Variants in L3MBTL4 observed in about 807,000 individuals in gnomAD.
The protein encoded by L3MBTL4 is lethal(3)malignant brain tumor-like protein 4.
L3MBTL4 carries 70 observed loss-of-function variants against 84.5 expected under a neutral mutation model. The observed-to-expected ratio is 0.83, with a 90% CI of 0.68 to 1.01. The LOEUF is 1.01. Among genes scored for constraint, L3MBTL4 ranks in the 50% least tolerant of loss-of-function variants. The pLI is 0.00. For synonymous variants in L3MBTL4, 274 were observed against 259.8 expected (o/e 1.05, Z -0.52); for missense variants, 715 against 754.8 (o/e 0.95, Z 0.62).
At chr18:6,164,430 C>T (rs543601524) in intron 13 of L3MBTL4, among the ~76,000 whole-genome samples, 6 of 152,234 alleles carry the variant, frequency 3.9e-5, no homozygotes, top group African/African-American at 1.2e-4. Flanking sequence ...AGGCACCCCC[C>T]GCTAGGGGCA....
At chr18:6,369,636 G>T (rs1031606367) in intron 1 of L3MBTL4, among the ~76,000 whole-genome samples, 3 of 152,176 alleles carry the variant, frequency 2.0e-5, no homozygotes, top group Non-Finnish European at 4.4e-5. Flanking sequence ...AGGCTTCATG[G>T]AGGGCTGTGA....
intron 16 of L3MBTL4, among the ~76,000 whole-genome samples, chr18:6,052,142 AAT>A (rs1272093914): frequency 6.6e-6 from 1 of 152,212 alleles, no homozygotes; most frequent in African/African-American, 2.4e-5. Flanking sequence ...AACTTAGAGA[AAT>A]ATTTAGTAAT....
chr18:6,311,415 C>T (rs1312818759), intron 3 of L3MBTL4, 139 bp downstream of exon 3: 4 of 671,206 alleles, frequency 6.0e-6, no homozygotes, highest in Non-Finnish European at 8.1e-6. Flanking sequence ...TACCCCTACA[C>T]ATAAAGCTCA....
At chr18:6,285,129 AG>A (rs2049511309) in intron 4 of L3MBTL4, among the ~76,000 whole-genome samples, 1 of 152,220 alleles carries the variant, frequency 6.6e-6, no homozygotes, top group Admixed American at 6.5e-5. Context: ...GCGTCCGCAG[AG>A]GGGTGGCCTC....
chr18:6,341,715 AG>A (rs1169469191), intron 1 of L3MBTL4, among the ~76,000 whole-genome samples: 2 of 152,130 alleles, frequency 1.3e-5, no homozygotes, highest in African/African-American at 4.8e-5. Context: ...ACAAAGAGAA[AG>A]CAAAGTTATT....
chr18:6,128,862 C>T (rs779003815), intron 14 of L3MBTL4, among the ~76,000 whole-genome samples: 23 of 151,970 alleles, frequency 1.5e-4, no homozygotes, highest in Admixed American at 7.2e-4. Flanking sequence ...GCAGTTCAGA[C>T]GGAGGAAGGG....
At chr18:6,238,070 C>G in intron 9 of L3MBTL4, 30 bp from the exon 10 acceptor site, 1 of 1,581,030 alleles carries the variant, frequency 6.3e-7, no homozygotes, top group Non-Finnish European at 8.7e-7. Context: ...TATTACGTTC[C>G]GTTTTACTTC....
At chr18:6,371,967 T>C (rs2054175977) in intron 1 of L3MBTL4, among the ~76,000 whole-genome samples, 1 of 152,208 alleles carries the variant, frequency 6.6e-6, no homozygotes, top group South Asian at 2.1e-4. Context: ...AAGATACATG[T>C]CACAACTCAG....
At chr18:6,099,585 A>AATATATATGTATATATATATATATAT (rs2058744521) in intron 14 of L3MBTL4, among the ~76,000 whole-genome samples, 1 of 64,700 alleles carries the variant, frequency 1.5e-5, no homozygotes, top group African/African-American at 3.5e-5. Context: ...AGATAATGTA[A>AATATATATGTATATATATATATATAT]ATATATATAT....
At chr18:6,023,174 A>C (rs1434422592) in intron 16 of L3MBTL4, among the ~76,000 whole-genome samples, 2 of 152,186 alleles carry the variant, frequency 1.3e-5, no homozygotes, top group Non-Finnish European at 2.9e-5. Context: ...AAGAGTTTAA[A>C]AGAAATCATT....
intron 16 of L3MBTL4, among the ~76,000 whole-genome samples, chr18:6,079,785 C>T (rs2058006606): frequency 6.6e-6 from 1 of 152,018 alleles, no homozygotes; most frequent in Admixed American, 6.5e-5. Context: ...TGGATGAGAA[C>T]ATTTGTATGG....
At chr18:6,096,632 G>A (rs1423971969) in intron 14 of L3MBTL4, among the ~76,000 whole-genome samples, 3 of 152,148 alleles carry the variant, frequency 2.0e-5, no homozygotes, top group Non-Finnish European at 2.9e-5. Context: ...GTGTTTAAGA[G>A]ATGCATGATT....
chr18:6,138,214 T>G lies in L3MBTL4; in HGVS notation c.1179A>C (p.Pro393=). Residue 393 remains proline (P), a synonymous_variant, in exon 14 of 19, where the codon CCA becomes CCC. Coordinates refer to ENST00000317931, the MANE Select transcript of L3MBTL4 (RefSeq NM_001330559.2). ...GCRGIGHIRG[P]RYSGHHSAFG... ...GTTACCTGTGATGTCCCGAATAACG[T>G]GGACCACGGATATGGCCTATTCCTC... is the stretch of plus-strand genomic sequence containing the variant. 6.2e-7 allele frequency: 1 copy of G among 1,611,958 alleles called. No homozygotes were observed. Among genetic ancestry groups the G allele is most frequent in the Non-Finnish European group, 8.5e-7 (1 of 1,178,434 alleles).
intron 1 of L3MBTL4, among the ~76,000 whole-genome samples, chr18:6,330,420 C>A (rs1320764191): frequency 6.6e-6 from 1 of 152,262 alleles, no homozygotes; most frequent in Non-Finnish European, 1.5e-5. Flanking sequence ...TTCCAGCATT[C>A]CTTGGCTCGT....
intron 16 of L3MBTL4, among the ~76,000 whole-genome samples, chr18:6,027,274 G>C (rs1316482174): frequency 1.3e-5 from 2 of 152,102 alleles, no homozygotes; most frequent in Non-Finnish European, 2.9e-5. Flanking sequence ...CTATGAGTGA[G>C]AACATGCCAT....
chr18:6,397,252 C>G (rs1163598280), intron 1 of L3MBTL4: 1 of 152,058 alleles, frequency 6.6e-6, no homozygotes, highest in Non-Finnish European at 1.5e-5. Context: ...GCAGAGTTCA[C>G]AGAAAAAAAG....
At chr18:6,087,049 A>G (rs1387400616) in intron 15 of L3MBTL4, among the ~76,000 whole-genome samples, 1 of 152,150 alleles carries the variant, frequency 6.6e-6, no homozygotes, top group East Asian at 1.9e-4. Context: ...TTTTCTTATC[A>G]CCAAGGAAAA....
At chr18:5,973,566 G>A (rs2052757652) in intron 16 of L3MBTL4, among the ~76,000 whole-genome samples, 1 of 152,064 alleles carries the variant, frequency 6.6e-6, no homozygotes, top group Non-Finnish European at 1.5e-5. Flanking sequence ...CACGATTTAT[G>A]TCACATCAGA....
At chr18:6,196,826 G>A (rs1022004605) in intron 12 of L3MBTL4, among the ~76,000 whole-genome samples, 1 of 152,202 alleles carries the variant, frequency 6.6e-6, no homozygotes, top group Non-Finnish European at 1.5e-5. Context: ...CCTGGATTCA[G>A]CTATGCCTGT....
Sources: allele counts gnomAD v4.1 joint callset (sites outside exome capture counted in the v4.1 genomes callset), GRCh38; gene constraint gnomAD v4.1.1; transcripts MANE v1.5; gene names NCBI Gene and HGNC (gene_info 2026-07-23, HGNC 2026-07-21).